Variants in PSMD14 observed in about 807,000 individuals in gnomAD.
PSMD14 encodes the protein ubiquitin C-terminal hydrolase PSMD14.
PSMD14 carries 7 observed loss-of-function variants against 41.2 expected under a neutral mutation model. That is an observed-to-expected ratio of 0.17 (90% CI 0.10 to 0.32). The LOEUF (loss-of-function observed/expected upper bound fraction) is 0.32, where lower values mean the gene tolerates loss of function less well. Among genes scored for constraint, PSMD14 ranks in the 10% least tolerant of loss-of-function variants. The probability of loss-of-function intolerance (pLI) is 1.00; values close to 1 mark genes in which losing one functional copy is unlikely to be tolerated. For missense variants in PSMD14, 139 were observed against 375.6 expected (o/e 0.37, Z 5.21); for synonymous variants, 114 against 122.3 (o/e 0.93, Z 0.45).
At chr2:161,342,931 A>G in intron 3 of PSMD14, among the ~76,000 whole-genome samples, 1 of 152,196 alleles carries the variant, frequency 6.6e-6, no homozygotes. Context: ...TTCAAGTGAT[A>G]TACTACTTTA....
intron 3 of PSMD14, among the ~76,000 whole-genome samples, chr2:161,365,793 G>T (rs1037653426): frequency 6.6e-6 from 1 of 151,910 alleles, no homozygotes; most frequent in Non-Finnish European, 1.5e-5. Flanking sequence ...TCATTTCTTT[G>T]TGCTGAGAAC....
chr2:161,391,278 T>C, intron 9 of PSMD14, 100 bp downstream of exon 9: 2 of 1,182,660 alleles, frequency 1.7e-6, no homozygotes, highest in Non-Finnish European at 2.3e-6. Flanking sequence ...TTGACCTCTT[T>C]CAGTGTTTCC....
intron 3 of PSMD14, among the ~76,000 whole-genome samples, chr2:161,355,488 G>A (rs1453263066): frequency 6.6e-6 from 1 of 151,990 alleles, no homozygotes; most frequent in Non-Finnish European, 1.5e-5. Flanking sequence ...ATTTATAAAT[G>A]TAGCATTTGA....
At chr2:161,384,093 A>G (rs905633527) in intron 7 of PSMD14, 7 of 151,672 alleles carry the variant, frequency 4.6e-5, no homozygotes, top group African/African-American at 1.7e-4. Flanking sequence ...AAAAGTTTTC[A>G]CAAACTATTA....
At chr2:161,411,166 G>A (rs1684018259) in intron 11 of PSMD14, 136 bp from the exon 12 acceptor site, 3 of 520,996 alleles carry the variant, frequency 5.8e-6, no homozygotes, top group East Asian at 3.3e-5. Context: ...CAATATACTA[G>A]TAAAGTTAAA....
Position 161,411,506 on chromosome 2 carries a change from C to T in PSMD14, c.*106C>T. 1 of 630,552 alleles carries T rather than the reference C, an allele frequency of 1.6e-6. No homozygotes were observed. The highest frequency in any genetic ancestry group is 2.6e-6 in the Non-Finnish European group (1 of 391,334). The allele number at this position is 630,552 out of a possible 1,614,324, so 39.1% of individuals were successfully genotyped here. On this transcript the variant is annotated 3_prime_UTR_variant, in exon 12 of 12. Transcript: ENST00000409682. ...AAGGTGTACTTGGCTAAATGTAAGA[C>T]ATCTGGCATCATTTGCAGCACTGTA...
rs2105237627 is a variant in PSMD14, at chr2:161,333,472, A to G, written c.48+14599A>G. Among the ~76,000 whole-genome samples the G allele has an allele frequency of 1.3e-5, 2 of 152,346 alleles. 1 individual carries two copies. Among genetic ancestry groups the G allele is most frequent in the South Asian group, 4.1e-4 (2 of 4,828 alleles). On this transcript the variant is annotated intron_variant, in intron 3 of 11. Coordinates refer to ENST00000409682, the MANE Select transcript of PSMD14 (RefSeq NM_005805.6). ...CTGTCCTGGCACAGGTTTCGGACCTACCAACTCACTATGAAAGGCAGTATA... is the reference window on the plus strand; with the variant it reads ...CTGTCCTGGCACAGGTTTCGGACCTGCCAACTCACTATGAAAGGCAGTATA...
chr2:161,344,650 A>T (rs112255012), intron 3 of PSMD14, among the ~76,000 whole-genome samples: 1 of 152,224 alleles, frequency 6.6e-6, no homozygotes. Context: ...TTTTTATTGT[A>T]TAGATCCATA....
At chr2:161,392,935 C>CT (rs200560459) in intron 9 of PSMD14, among the ~76,000 whole-genome samples, 3 of 152,006 alleles carry the variant, frequency 2.0e-5, no homozygotes, top group Non-Finnish European at 2.9e-5. Flanking sequence ...ATTTTTCTTT[C>CT]TTTTTTTTTG....
intron 3 of PSMD14, among the ~76,000 whole-genome samples, chr2:161,340,593 AG>A (rs1431367054): frequency 6.6e-6 from 1 of 152,126 alleles, no homozygotes; most frequent in Non-Finnish European, 1.5e-5. Context: ...CCACAGGAAC[AG>A]ACATGAACAT....
intron 3 of PSMD14, among the ~76,000 whole-genome samples, chr2:161,323,356 A>G (rs1682638479): frequency 1.3e-5 from 2 of 151,992 alleles, no homozygotes; most frequent in South Asian, 4.1e-4. Context: ...ATTTTTTTTA[A>G]TATCACATTT....
intron 10 of PSMD14, among the ~76,000 whole-genome samples, chr2:161,396,545 A>G (rs929128187): frequency 2.0e-5 from 3 of 152,198 alleles, no homozygotes; most frequent in Non-Finnish European, 2.9e-5. Flanking sequence ...GCCAAATACC[A>G]CATCATCTCA....
intron 3 of PSMD14, among the ~76,000 whole-genome samples, chr2:161,338,394 G>A (rs1349805406): frequency 6.7e-6 from 1 of 150,098 alleles, no homozygotes; most frequent in African/African-American, 2.5e-5. Flanking sequence ...TTTTTATTTG[G>A]GCCTTTCTGA....
intron 8 of PSMD14, 37 bp downstream of exon 8, chr2:161,385,608 T>A (rs1574137888): frequency 8.2e-6 from 11 of 1,333,478 alleles, no homozygotes; most frequent in Non-Finnish European, 1.2e-5. Flanking sequence ...AAAACTCTTT[T>A]AAATTTTAAA....
intron 3 of PSMD14, among the ~76,000 whole-genome samples, chr2:161,335,781 A>T (rs1013033211): frequency 2.6e-5 from 4 of 152,248 alleles, no homozygotes; most frequent in Non-Finnish European, 5.9e-5. Context: ...CTGATATGGT[A>T]GAAAGAATAC....
intron 3 of PSMD14, among the ~76,000 whole-genome samples, chr2:161,353,158 C>T (rs991728829): frequency 9.9e-5 from 15 of 152,132 alleles, no homozygotes; most frequent in African/African-American, 3.1e-4. Context: ...TACTCTATAT[C>T]ATAATAGTGA....
chr2:161,362,044 T>C (rs946956125), intron 3 of PSMD14, among the ~76,000 whole-genome samples: 1 of 152,160 alleles, frequency 6.6e-6, no homozygotes, highest in Non-Finnish European at 1.5e-5. Flanking sequence ...GACTTAGTAA[T>C]GTGTACATTG....
chr2:161,312,427 A>C (rs1689099990), intron 1 of PSMD14, among the ~76,000 whole-genome samples: 1 of 152,226 alleles, frequency 6.6e-6, no homozygotes, highest in South Asian at 2.1e-4. Flanking sequence ...TACAGGCATG[A>C]GCCACTGCAC....
intron 1 of PSMD14, among the ~76,000 whole-genome samples, chr2:161,309,733 C>A (rs1689067194): frequency 6.6e-6 from 1 of 152,020 alleles, no homozygotes; most frequent in East Asian, 1.9e-4. Context: ...TGAATTTGTC[C>A]CTAAATCTTG....
Sources: allele counts gnomAD v4.1 joint callset (sites outside exome capture counted in the v4.1 genomes callset), GRCh38; gene constraint gnomAD v4.1.1; transcripts MANE v1.5; gene names NCBI Gene and HGNC (gene_info 2026-07-23, HGNC 2026-07-21).